MAP3K8: variants seen among roughly 807,000 people sequenced by gnomAD.
MAP3K8 encodes Ewing sarcoma transformant.
MAP3K8 carries 22 observed loss-of-function variants against 45.8 expected under a neutral mutation model. That is an observed-to-expected ratio of 0.48 (90% CI 0.34 to 0.69). MAP3K8 has a LOEUF of 0.69. Ranked by LOEUF, MAP3K8 falls within the 30% of genes least tolerant of loss-of-function variation. The probability of loss-of-function intolerance (pLI) is 0.01; values close to 1 mark genes in which losing one functional copy is unlikely to be tolerated. For missense variants in MAP3K8, 419 were observed against 585.0 expected (o/e 0.72, Z 2.93); for synonymous variants, 223 against 214.3 (o/e 1.04, Z -0.36).
At chr10:30,446,876 C>G (rs1235461938) in intron 3 of MAP3K8, among the ~76,000 whole-genome samples, 1 of 151,810 alleles carries the variant, frequency 6.6e-6, no homozygotes, top group African/African-American at 2.4e-5. Flanking sequence ...TCAGAATAGA[C>G]CTCTTAATTC....
intron 2 of MAP3K8, among the ~76,000 whole-genome samples, chr10:30,438,660 A>G (rs1458852502): frequency 6.6e-6 from 1 of 152,182 alleles, no homozygotes; most frequent in Non-Finnish European, 1.5e-5. Flanking sequence ...AGCTGATACC[A>G]CTGACTCTGT....
rs914100443 is a variant in MAP3K8, at chr10:30,455,608, G to T, written c.874-2476G>T. Among the ~76,000 whole-genome samples the T allele has an allele frequency of 2.0e-5, 3 of 152,256 alleles. No individual in the cohort carries two copies. The South Asian group carries it at 6.2e-4, about 32-fold the overall frequency. ...AAATCAGAATTACTTTTAGAACTTGGTCCTTTTTGAAAAATCCTTCTAAGT... is the reference window on the plus strand; with the variant it reads ...AAATCAGAATTACTTTTAGAACTTGTTCCTTTTTGAAAAATCCTTCTAAGT... On this transcript the variant is annotated intron_variant, in intron 6 of 8. Transcript: ENST00000263056.
At chr10:30,452,719 C>T (rs1468457042) in intron 6 of MAP3K8, among the ~76,000 whole-genome samples, 2 of 152,108 alleles carry the variant, frequency 1.3e-5, no homozygotes, top group African/African-American at 2.4e-5. Context: ...CTTGCTCCAT[C>T]GCCCAGGCTG....
chr10:30,454,467 C>T (rs1836667599), intron 6 of MAP3K8, among the ~76,000 whole-genome samples: 2 of 151,748 alleles, frequency 1.3e-5, no homozygotes, highest in African/African-American at 4.8e-5. Flanking sequence ...ACTCAAGAGA[C>T]TGAGGTGGGA....
intron 3 of MAP3K8, among the ~76,000 whole-genome samples, chr10:30,444,404 G>A (rs934804590): frequency 3.9e-5 from 6 of 151,956 alleles, no homozygotes; most frequent in Admixed American, 1.3e-4. Flanking sequence ...CAGAGGTTGC[G>A]ATGAGCTGAG....
rs1313819971 is a variant in MAP3K8, at chr10:30,439,049, A to C, written c.111A>C (p.Glu37Asp). ...TTATGGAAAATCTTTATGCAAGTGA[A>C]GAGCCAGCAGTTTATGAACCCAGTC... ...IDIMENLYAS[E>D]EPAVYEPSLM... is the part of the protein sequence containing the mutation. Residue 37 changes from glutamate to aspartate, a missense_variant, in exon 3 of 9, where the codon GAA (glutamate) becomes GAC (aspartate). Coordinates refer to ENST00000263056, the MANE Select transcript of MAP3K8 (RefSeq NM_005204.4). The C allele has an allele frequency of 6.2e-7, 1 of 1,614,180 alleles. No individual in the cohort carries two copies. Among genetic ancestry groups the C allele is most frequent in the Non-Finnish European group, 8.5e-7 (1 of 1,179,990 alleles).
chr10:30,445,280 C>G, intron 3 of MAP3K8, among the ~76,000 whole-genome samples: 1 of 152,092 alleles, frequency 6.6e-6, no homozygotes, highest in East Asian at 1.9e-4. Context: ...GCCTGTAATC[C>G]CAGCTACTTG....
In MAP3K8 at chr10:30,447,865, T is replaced by C; in HGVS notation, c.420T>C (p.Gly140=). ...IPWKLTYRNI[G]SDFIPRGAFG... ...GGAAGCTGACTTACAGGAATATTGG[T>C]TCTGATTTTATTCCTCGGGGCGCCT... The change falls in exon 4 of 9, where the codon GGT becomes GGC. Residue 140 remains glycine, a synonymous_variant. Transcript: ENST00000263056. 6.2e-7 allele frequency: 1 copy of C among 1,613,662 alleles called. No individual in the cohort carries two copies. The highest frequency in any genetic ancestry group is 8.5e-7 in the Non-Finnish European group (1 of 1,179,688).
chr10:30,454,625 C>G (rs1836675682), intron 6 of MAP3K8, among the ~76,000 whole-genome samples: 1 of 151,548 alleles, frequency 6.6e-6, no homozygotes, highest in Admixed American at 6.6e-5. Flanking sequence ...AAAGCCAGCA[C>G]TCTCCCGGGC....
At chr10:30,457,963 G>A in intron 6 of MAP3K8, 121 bp from the exon 7 acceptor site, 1 of 783,664 alleles carries the variant, frequency 1.3e-6, no homozygotes, top group Non-Finnish European at 1.9e-6. Context: ...GGTTCCTGGG[G>A]AATGCCTGCA....
chr10:30,439,114 GTTC>G lies in MAP3K8; in HGVS notation c.178_180del (p.Ser60del). 1 of 1,614,200 alleles carries G rather than the reference GTTC, an allele frequency of 6.2e-7. No homozygotes were observed. Among genetic ancestry groups the G allele is most frequent in the Non-Finnish European group, 8.5e-7 (1 of 1,180,032 alleles). On this transcript the variant is annotated inframe_deletion, in exon 3 of 9. Transcript: ENST00000263056. Reference sequence around the variant, plus strand: ...CAAGACAGTAATCAAAACGATGAGCGTTCTAAGTCTCTGCTGCTTAGTGGCCAA... The same window carrying G: ...CAAGACAGTAATCAAAACGATGAGCGTAAGTCTCTGCTGCTTAGTGGCCAA...
At chr10:30,436,958 A>G (rs1217359599) in intron 1 of MAP3K8, among the ~76,000 whole-genome samples, 1 of 152,082 alleles carries the variant, frequency 6.6e-6, no homozygotes, top group African/African-American at 2.4e-5. Context: ...TAAACGGCTC[A>G]GTAAAACCGA....
chr10:30,434,528 C>T (rs886525676), intron 1 of MAP3K8, 150 bp downstream of exon 1: 5 of 985,750 alleles, frequency 5.1e-6, no homozygotes, highest in Middle Eastern at 1.0e-3. Flanking sequence ...CAGCTGCGCT[C>T]GCGGGTCGCC....
chr10:30,451,745 G>T lies in MAP3K8; in HGVS notation c.873+1G>T. On this transcript the variant is annotated splice_donor_variant, in intron 6 of 8. Coordinates refer to ENST00000263056, the MANE Select transcript of MAP3K8 (RefSeq NM_005204.4). LOFTEE classifies it high-confidence loss of function. ...TCCTAAGGACCTCCGAGGAACAGAG[G>T]TAATTATGTTCACATGAAAAGGGTT... The T allele has an allele frequency of 6.7e-7, 1 of 1,489,462 alleles. No homozygotes were observed. The highest frequency in any genetic ancestry group is 1.3e-5 in the South Asian group (1 of 77,992). 92.3% of individuals were successfully genotyped at this position (1,489,462 alleles called of 1,614,324 possible).
At chr10:30,446,144 T>A (rs1588774977) in intron 3 of MAP3K8, among the ~76,000 whole-genome samples, 1 of 152,136 alleles carries the variant, frequency 6.6e-6, no homozygotes, top group African/African-American at 2.4e-5. Flanking sequence ...CTTCCCACCT[T>A]AGCCTCCCAA....
intron 6 of MAP3K8, among the ~76,000 whole-genome samples, chr10:30,457,676 C>T (rs548157442): frequency 9.2e-5 from 14 of 152,134 alleles, no homozygotes; most frequent in Non-Finnish European, 1.6e-4. Context: ...GACTGAGTCT[C>T]GCTCTGTCTC....
intron 7 of MAP3K8, among the ~76,000 whole-genome samples, chr10:30,458,549 A>G (rs986178865): frequency 3.3e-5 from 5 of 152,250 alleles, no homozygotes; most frequent in African/African-American, 1.2e-4. Context: ...AGGAAGTTGT[A>G]TGTGTTCTTT....
At chr10:30,448,414 T>TTTTTTATTATTATTATTATTATTATTA (rs34801475) in intron 4 of MAP3K8, among the ~76,000 whole-genome samples, 6 of 136,444 alleles carry the variant, frequency 4.4e-5, no homozygotes, top group South Asian at 2.3e-4. Flanking sequence ...CTATCCCAAA[T>TTTTTTATTATTATTATTATTATTATTA]TTATTATTAT....
chr10:30,455,351 G>C (rs1836698203), intron 6 of MAP3K8, among the ~76,000 whole-genome samples: 1 of 152,224 alleles, frequency 6.6e-6, no homozygotes, highest in Non-Finnish European at 1.5e-5. Flanking sequence ...GCTGATGTTA[G>C]AATTTGATCA....
Sources: allele counts gnomAD v4.1 joint callset (sites outside exome capture counted in the v4.1 genomes callset), GRCh38; gene constraint gnomAD v4.1.1; transcripts MANE v1.5; gene names NCBI Gene and HGNC (gene_info 2026-07-23, HGNC 2026-07-21).